Variants in LAMC3 observed in about 807,000 individuals in gnomAD.
The protein encoded by LAMC3 is laminin subunit gamma 3.
In LAMC3, 128 loss-of-function variants were observed where a neutral mutation model predicts 173.8. The ratio of observed to expected loss-of-function variants is 0.74; its 90% CI spans 0.64 to 0.85. The LOEUF (loss-of-function observed/expected upper bound fraction) is 0.85, where lower values mean the gene tolerates loss of function less well. LAMC3 is among the 40% of genes least tolerant of loss of function. The pLI is 0.00. For synonymous variants in LAMC3, 897 were observed against 909.1 expected (o/e 0.99, Z 0.24); for missense variants, 2,022 against 2,156.0 (o/e 0.94, Z 1.23).
intron 2 of LAMC3, among the ~76,000 whole-genome samples, chr9:131,027,554 T>C (rs34432977): frequency 0.2 from 29,731 of 152,136 alleles, 4,036 homozygotes; most frequent in African/African-American, 0.39. Flanking sequence ...CCAGCCACCA[T>C]GAGATGTGGC....
rs562703308 is a variant in LAMC3, at chr9:131,091,886, G to A, written c.*99G>A. 227 of 1,453,228 alleles carry A rather than the reference G, an allele frequency of 1.6e-4. 2 individuals carry two copies. In the South Asian group the frequency reaches 2.2e-3, roughly 14 times the overall value. The allele number at this position is 1,453,228 out of a possible 1,614,324, so 90.0% of individuals were successfully genotyped here. On this transcript the variant is annotated 3_prime_UTR_variant, in exon 28 of 28. Coordinates refer to ENST00000361069, the MANE Select transcript of LAMC3 (RefSeq NM_006059.4). ...AGGTGTGCCCATACAGACATTCCCC[G>A]GAGCCGGCTGCTGTGAACTCGCCCC...
At position 131,091,706 on chromosome 9, in the gene LAMC3, C is replaced by T. The variant is rs779895868; in HGVS notation, c.4647C>T (p.Asp1549=). ...QELQIQGFES[D]LAEIRADKQN... ...TGCAGATCCAGGGCTTCGAGAGTGA[C>T]CTCGCCGAGATCCGCGCCGACAAAC... The change falls in exon 28 of 28, where the codon GAC becomes GAT. Residue 1549 remains aspartate, a synonymous_variant. Transcript: ENST00000361069. 7 of 1,612,170 alleles carry T rather than the reference C, an allele frequency of 4.3e-6. No homozygotes were observed. Among genetic ancestry groups the T allele is most frequent in the Non-Finnish European group, 5.9e-6 (7 of 1,179,430 alleles).
In LAMC3 at chr9:131,029,368, T is replaced by C. The variant is rs997896169; in HGVS notation, c.679-2677T>C. Among the ~76,000 whole-genome samples, 10 of 152,234 alleles carry C rather than the reference T, an allele frequency of 6.6e-5. No individual in the cohort carries two copies. Among genetic ancestry groups the C allele is most frequent in the African/African-American group, 2.4e-4 (10 of 41,542 alleles). On this transcript the variant is annotated intron_variant, in intron 2 of 27. Transcript: ENST00000361069. This position sits in a 1 kb window ranked among gnomAD's most constrained non-coding sequence, Gnocchi z 4.6. ...GTAGATTAGAAAACGTCACCCGAGG[T>C]CAGATGAAGACAGGCAGGGAGGGCC...
chr9:131,046,327 T>G (rs762763236), intron 8 of LAMC3, among the ~76,000 whole-genome samples: 8 of 150,604 alleles, frequency 5.3e-5, no homozygotes, highest in Non-Finnish European at 1.2e-4. Context: ...CTCAGCCTCC[T>G]GAGTAGCTAG....
chr9:131,041,366 C>CAGAAAAAAAAAA lies in LAMC3; in HGVS notation c.1284-270_1284-269insGAAAAAAAAAAA, dbSNP rs1554785561. On this transcript the variant is annotated intron_variant, in intron 6 of 27. Coordinates refer to ENST00000361069, the MANE Select transcript of LAMC3 (RefSeq NM_006059.4). ...TGGGTGGCAAAGTGTGACTCTGTCC[C>CAGAAAAAAAAAA]AAAAAAAAAGATTCATGGATGATGA... Among the ~76,000 whole-genome samples the CAGAAAAAAAAAA allele has an allele frequency of 7.0e-3, 797 of 114,574 alleles. 8 individuals carry two copies. The highest frequency in any genetic ancestry group is 0.024 in the African/African-American group (749 of 31,742). The allele number at this position is 114,574 out of a possible 152,430, so 75.2% of individuals were successfully genotyped here. A position where few individuals can be genotyped will look rare whatever the true frequency, so the allele number is the denominator to read the frequency against.
At chr9:131,028,369 A>G (rs1833765864) in intron 2 of LAMC3, among the ~76,000 whole-genome samples, 1 of 152,184 alleles carries the variant, frequency 6.6e-6, no homozygotes, top group Non-Finnish European at 1.5e-5. Flanking sequence ...GTCCAAACCC[A>G]GGGAACCTGC....
At chr9:131,010,222 G>A (rs1163014768) in intron 1 of LAMC3, among the ~76,000 whole-genome samples, 1 of 151,650 alleles carries the variant, frequency 6.6e-6, no homozygotes, top group African/African-American at 2.4e-5. Context: ...CTACTCAAGA[G>A]GCTGAGGCAG....
chr9:131,046,959 G>A (rs1588149936), intron 8 of LAMC3, among the ~76,000 whole-genome samples: 1 of 152,106 alleles, frequency 6.6e-6, no homozygotes, highest in East Asian at 1.9e-4. Context: ...GCGGACCGGC[G>A]CCGCGTGTCT....
chr9:131,050,021 G>A (rs1201165363), intron 9 of LAMC3, among the ~76,000 whole-genome samples: 1 of 152,250 alleles, frequency 6.6e-6, no homozygotes, highest in Non-Finnish European at 1.5e-5. Flanking sequence ...TGTCACAGGT[G>A]GCTGAGGAGC....
At chr9:131,045,144 C>T (rs1306163264) in intron 7 of LAMC3, among the ~76,000 whole-genome samples, 1 of 150,876 alleles carries the variant, frequency 6.6e-6, no homozygotes, top group Admixed American at 6.6e-5. Flanking sequence ...ATCACTTGAA[C>T]CCGGGAGGCG....
chr9:131,024,687 G>A (rs752514278), intron 1 of LAMC3, among the ~76,000 whole-genome samples: 1 of 152,194 alleles, frequency 6.6e-6, no homozygotes, highest in African/African-American at 2.4e-5. Context: ...TGCGTGGGCC[G>A]TTCTTCCCTT....
chr9:131,055,231 T>C (rs1304939288), intron 11 of LAMC3, among the ~76,000 whole-genome samples: 1 of 152,100 alleles, frequency 6.6e-6, no homozygotes, highest in East Asian at 1.9e-4. Context: ...GAAAGGCTGC[T>C]CTGATGAGGA....
intron 8 of LAMC3, among the ~76,000 whole-genome samples, chr9:131,046,271 A>G (rs1363094197): frequency 7.9e-5 from 11 of 140,078 alleles, no homozygotes; most frequent in Non-Finnish European, 1.5e-4. Context: ...TGCACAGCAC[A>G]GCTCACTGCA....
chr9:131,060,447 C>T (rs551140933), intron 12 of LAMC3, among the ~76,000 whole-genome samples: 2 of 152,066 alleles, frequency 1.3e-5, no homozygotes, highest in Non-Finnish European at 2.9e-5. Flanking sequence ...AGTTTGAGAC[C>T]AGCCTGGCCA....
Position 131,087,735 on chromosome 9 carries a change from C to G in LAMC3, c.4395C>G (p.Ser1465Arg). 1.2e-6 allele frequency: 2 copies of G among 1,614,102 alleles called. No individual in the cohort carries two copies. The highest frequency in any genetic ancestry group is 2.2e-5 in the East Asian group (1 of 44,876). Residue 1465 changes from serine (S) to arginine (R), a missense_variant, in exon 27 of 28, where the codon AGC becomes AGG. Physicochemically the swap from Ser to Arg is moderately radical, Grantham distance 110. Transcript: ENST00000361069. ...CCTGAAAGGTGGGTGCTGGGCTGAG[C>G]GAGATGGAGCAGCAGATCCGGGAAT... ...EEAERVGAGL[S>R]EMEQQIRESR...
intron 8 of LAMC3, among the ~76,000 whole-genome samples, chr9:131,048,194 T>C (rs934878676): frequency 6.6e-6 from 1 of 151,740 alleles, no homozygotes; most frequent in Non-Finnish European, 1.5e-5. Flanking sequence ...GTAGCTCAGA[T>C]TATAGGCAGC....
chr9:131,059,354 T>A (rs1829760478), intron 12 of LAMC3, among the ~76,000 whole-genome samples: 1 of 150,978 alleles, frequency 6.6e-6, no homozygotes, highest in East Asian at 2.0e-4. Context: ...TAGCCAGGCG[T>A]GGTGGCGGGT....
At position 131,009,261 on chromosome 9, in the gene LAMC3, G is replaced by A. The variant is rs1833357114; in HGVS notation, c.47G>A (p.Arg16Gln). The A allele has an allele frequency of 1.5e-6, 2 of 1,300,974 alleles. No individual in the cohort carries two copies. Among genetic ancestry groups the A allele is most frequent in the African/African-American group, 1.6e-5 (1 of 64,302 alleles). 80.6% of individuals were successfully genotyped at this position (1,300,974 alleles called of 1,614,324 possible). The change falls in exon 1 of 28, where the codon CGG becomes CAG. Residue 16 changes from arginine (R) to glutamine (Q), a missense_variant. Physicochemically the swap from Arg to Gln is conservative, Grantham distance 43. Transcript: ENST00000361069. This position sits in a 1 kb window ranked among gnomAD's most constrained non-coding sequence, Gnocchi z 4.3. ...CTGGGGCTGGCGCTGCTGGCACCGC[G>A]GGCGGCCGGCGCGGGCATGGGCGCG... The part of the protein sequence containing the change: ...LLLGLALLAP[R>Q]AAGAGMGACY...
chr9:131,051,560 TC>T (rs1834287242), intron 9 of LAMC3, among the ~76,000 whole-genome samples: 1 of 152,068 alleles, frequency 6.6e-6, no homozygotes, highest in Non-Finnish European at 1.5e-5. Context: ...AGATGGGGTT[TC>T]ACCATCTTGG....
Sources: gnomAD v4.1 joint callset for allele counts (sites outside exome capture counted in the v4.1 genomes callset) on GRCh38, gnomAD v4.1.1 for gene constraint, Gnocchi (gnomAD v3.1) non-coding constraint, MANE v1.5 for transcripts, NCBI Gene and HGNC (gene_info 2026-07-23, HGNC 2026-07-21) for gene names.